The following ATP8A1 variants were observed in gnomAD, a reference collection of about 807,000 sequenced individuals.
ATP8A1 encodes the protein phospholipid-transporting ATPase IA.
In ATP8A1, 90 loss-of-function variants were observed where a neutral mutation model predicts 177.7. The ratio of observed to expected loss-of-function variants is 0.51; its 90% CI spans 0.43 to 0.60. ATP8A1 has a LOEUF of 0.60. Ranked by LOEUF, ATP8A1 falls within the 20% of genes least tolerant of loss-of-function variation. ATP8A1 has a pLI of 0.00. For synonymous variants in ATP8A1, 493 were observed against 485.9 expected, an observed-to-expected ratio of 1.01 and a Z score of -0.19; for missense variants, 1,072 against 1,392.8, an observed-to-expected ratio of 0.77 and a Z score of 3.67.
At chr4:42,551,088 T>G in intron 18 of ATP8A1, 110 bp downstream of exon 18, 1 of 835,914 alleles carries the variant, frequency 1.2e-6, no homozygotes, top group Non-Finnish European at 2.0e-6. Context: ...TAGTTGCTTC[T>G]GGAGTGGGGA....
chr4:42,478,465 A>C (rs921578113), intron 25 of ATP8A1, among the ~76,000 whole-genome samples: 6 of 152,198 alleles, frequency 3.9e-5, no homozygotes, highest in Non-Finnish European at 1.5e-5. Flanking sequence ...CATATATACA[A>C]CTAAAGTACA....
chr4:42,428,823 C>T (rs973955164), intron 33 of ATP8A1, among the ~76,000 whole-genome samples: 1 of 152,170 alleles, frequency 6.6e-6, no homozygotes, highest in African/African-American at 2.4e-5. Context: ...GGAAAGCGCC[C>T]ATGCTCACTC....
intron 30 of ATP8A1, among the ~76,000 whole-genome samples, chr4:42,449,376 G>A (rs1434220783): frequency 6.6e-6 from 1 of 152,156 alleles, no homozygotes; most frequent in Non-Finnish European, 1.5e-5. Context: ...AGTGCATGAC[G>A]GTGAAGAATA....
At chr4:42,588,558 C>A (rs1008872384) in intron 7 of ATP8A1, 6 of 436,966 alleles carry the variant, frequency 1.4e-5, no homozygotes, top group Admixed American at 7.9e-5. Flanking sequence ...AATTTCCTGA[C>A]AACAATCAGT....
intron 25 of ATP8A1, among the ~76,000 whole-genome samples, chr4:42,485,193 AC>A (rs1722068036): frequency 6.6e-6 from 1 of 152,212 alleles, no homozygotes. Context: ...TTAAATATAG[AC>A]AACAGGACCT....
At chr4:42,422,160 C>T (rs1006711564) in intron 35 of ATP8A1, among the ~76,000 whole-genome samples, 12 of 151,972 alleles carry the variant, frequency 7.9e-5, no homozygotes, top group Non-Finnish European at 1.5e-4. Context: ...GGCTTGATTT[C>T]GGCTCACTAC....
chr4:42,441,603 T>G (rs1281213872), intron 33 of ATP8A1, among the ~76,000 whole-genome samples: 1 of 152,152 alleles, frequency 6.6e-6, no homozygotes, highest in Non-Finnish European at 1.5e-5. Context: ...AGTGGCATTC[T>G]CACTATATCC....
chr4:42,610,670 C>G (rs1736278736), intron 5 of ATP8A1, among the ~76,000 whole-genome samples: 1 of 151,868 alleles, frequency 6.6e-6, no homozygotes, highest in South Asian at 2.1e-4. Flanking sequence ...CTGAAGACAT[C>G]TAACCAGTTC....
chr4:42,640,350 A>C (rs1481293724), intron 1 of ATP8A1, among the ~76,000 whole-genome samples: 2 of 152,238 alleles, frequency 1.3e-5, no homozygotes, highest in African/African-American at 4.8e-5. Flanking sequence ...AAGACCAAAA[A>C]GAAATGTTTC....
In ATP8A1 at chr4:42,503,459, G is replaced by C. The variant is rs1415413257; in HGVS notation, c.2142C>G (p.Gly714=). The change falls in exon 24 of 37, where the codon GGC becomes GGG. Residue 714 remains glycine (G), a synonymous_variant. Transcript: ENST00000381668. ...KNMGMIVINE[G]SLDGTRETLS... ...ACATAATTTTACTTACATCAAGAGA[G>C]CCTTCATTTATAACAATCATTCCCA... 1.3e-6 allele frequency: 2 copies of C among 1,599,744 alleles called. No homozygotes were observed. The highest frequency in any genetic ancestry group is 1.7e-6 in the Non-Finnish European group (2 of 1,168,856).
In ATP8A1 at chr4:42,448,401, C is replaced by CTTTTTTTTTTTTTTT. The variant is rs1226963744; in HGVS notation, c.2897-1758_2897-1757insAAAAAAAAAAAAAAA. 2.4e-3 allele frequency among the ~76,000 whole-genome samples: 240 copies of CTTTTTTTTTTTTTTT among 99,514 alleles called. 5 individuals carry two copies. The highest frequency in any genetic ancestry group is 4.9e-3 in the East Asian group (14 of 2,842). 65.3% of individuals were successfully genotyped at this position (99,514 alleles called of 152,430 possible). A position where few individuals can be genotyped will look rare whatever the true frequency, so the allele number is the denominator to read the frequency against. On this transcript the variant is annotated intron_variant, in intron 30 of 36. Transcript: ENST00000381668. Reference sequence around the variant, plus strand: ...CTCCCTCCCTCCTTCTCTTTCTTTTCTTTTTTTTTTTTTTGAGATGGAGTC... The same window carrying CTTTTTTTTTTTTTTT: ...CTCCCTCCCTCCTTCTCTTTCTTTTCTTTTTTTTTTTTTTTTTTTTTTTTTTTTTGAGATGGAGTC...
intron 22 of ATP8A1, among the ~76,000 whole-genome samples, chr4:42,511,181 G>A (rs534537716): frequency 6.6e-6 from 1 of 152,274 alleles, no homozygotes; most frequent in Non-Finnish European, 1.5e-5. Flanking sequence ...TTTATGGTGA[G>A]ATCAGAATCT....
At chr4:42,578,425 T>C (rs2306007) in intron 11 of ATP8A1, 38 bp from the exon 12 acceptor site, 293,999 of 1,596,122 alleles carry the variant, frequency 0.18, 28,799 homozygotes, top group East Asian at 0.3. Context: ...TTTACAGTTT[T>C]ATATTTTATT....
At chr4:42,653,088 A>G (rs928336048) in intron 1 of ATP8A1, among the ~76,000 whole-genome samples, 1 of 151,778 alleles carries the variant, frequency 6.6e-6, no homozygotes, top group African/African-American at 2.4e-5. Flanking sequence ...ATTTCCTACT[A>G]TTCTTCCCCT....
intron 6 of ATP8A1, among the ~76,000 whole-genome samples, chr4:42,596,837 C>G (rs1424958757): frequency 2.6e-5 from 4 of 152,134 alleles, no homozygotes; most frequent in African/African-American, 9.7e-5. Flanking sequence ...AATTCTCCAC[C>G]TGCATACATC....
At chr4:42,607,430 G>C (rs1434514401) in intron 5 of ATP8A1, among the ~76,000 whole-genome samples, 2 of 152,140 alleles carry the variant, frequency 1.3e-5, no homozygotes, top group African/African-American at 4.8e-5. Context: ...TAAACACCCA[G>C]TCCTTAGAAC....
intron 3 of ATP8A1, 111 bp from the exon 4 acceptor site, chr4:42,624,745 T>A (rs2109484356): frequency 2.0e-6 from 1 of 510,528 alleles, no homozygotes; most frequent in East Asian, 3.3e-5. Flanking sequence ...GATTTTACTA[T>A]CTTGGCCGAC....
intron 33 of ATP8A1, among the ~76,000 whole-genome samples, chr4:42,443,144 G>A (rs1249474113): frequency 6.6e-6 from 1 of 152,182 alleles, no homozygotes; most frequent in Non-Finnish European, 1.5e-5. Context: ...TTAATCTAGT[G>A]ACAGCAGATT....
chr4:42,502,549 A>C (rs562624209), intron 24 of ATP8A1, among the ~76,000 whole-genome samples: 2 of 152,316 alleles, frequency 1.3e-5, no homozygotes, highest in Non-Finnish European at 2.9e-5. Context: ...ATACCAGATC[A>C]AATGACGCGT....
Sources: gnomAD v4.1 joint callset for allele counts (sites outside exome capture counted in the v4.1 genomes callset) on GRCh38, gnomAD v4.1.1 for gene constraint, MANE v1.5 for transcripts, NCBI Gene and HGNC (gene_info 2026-07-23, HGNC 2026-07-21) for gene names.